The following CDC40 variants were observed in gnomAD, a reference collection of about 807,000 sequenced individuals.
CDC40 encodes pre-mRNA-processing factor 17.
In CDC40, 27 loss-of-function variants were observed where a neutral mutation model predicts 80.6. The observed-to-expected ratio is 0.33, with a 90% CI of 0.25 to 0.46. The LOEUF is 0.46. Among genes scored for constraint, CDC40 ranks in the 20% least tolerant of loss-of-function variants. CDC40 has a pLI of 1.00. For missense variants in CDC40, 486 were observed against 694.1 expected (o/e 0.70, Z 3.37); for synonymous variants, 221 against 232.6 (o/e 0.95, Z 0.45).
At position 110,221,187 on chromosome 6, in the gene CDC40, G is replaced by A. The variant is rs370153400; in HGVS notation, c.1340+1318G>A. On this transcript the variant is annotated intron_variant, in intron 12 of 14. Transcript: ENST00000307731. ...TAAAACGAATGATTGGATGGAAGCC[G>A]CCATGTTTTTACAGTCAGTTATGAA... Among the ~76,000 whole-genome samples, 114 of 152,216 alleles carry A rather than the reference G, an allele frequency of 7.5e-4. 1 individual carries two copies. Among genetic ancestry groups the A allele is most frequent in the African/African-American group, 1.5e-3 (64 of 41,524 alleles).
Position 110,200,444 on chromosome 6 carries a change from A to G in CDC40, c.277-1114A>G, listed in dbSNP as rs540787347. ...AATTCATCATGACGGTGGGTCTTACAGAGTTCAGATGAAAATATCCTATTA... is the reference window on the plus strand; with the variant it reads ...AATTCATCATGACGGTGGGTCTTACGGAGTTCAGATGAAAATATCCTATTA... On this transcript the variant is annotated intron_variant, in intron 2 of 14. Coordinates refer to ENST00000307731, the MANE Select transcript of CDC40 (RefSeq NM_015891.3). Among the ~76,000 whole-genome samples the G allele has an allele frequency of 2.7e-5, 4 of 150,750 alleles. 1 individual carries two copies. The South Asian group carries it at 8.4e-4, about 32-fold the overall frequency.
intron 12 of CDC40, among the ~76,000 whole-genome samples, chr6:110,223,490 C>T (rs1043482466): frequency 6.6e-6 from 1 of 152,098 alleles, no homozygotes; most frequent in Admixed American, 6.6e-5. Flanking sequence ...AACTCAGGAT[C>T]CCCGGAACTG....
chr6:110,199,301 T>C (rs1454195714), intron 2 of CDC40, among the ~76,000 whole-genome samples: 2 of 152,066 alleles, frequency 1.3e-5, no homozygotes, highest in Non-Finnish European at 2.9e-5. Flanking sequence ...CTTTAAAAAG[T>C]GGAGCTAGTG....
intron 2 of CDC40, among the ~76,000 whole-genome samples, 188 bp downstream of exon 2, chr6:110,193,456 G>A (rs1371945005): frequency 1.3e-5 from 2 of 151,974 alleles, no homozygotes; most frequent in African/African-American, 4.8e-5. Flanking sequence ...CCAGGCTGGA[G>A]TGCAGTGGCG....
At chr6:110,219,659 C>T in intron 11 of CDC40, 77 bp from the exon 12 acceptor site, 1 of 1,489,304 alleles carries the variant, frequency 6.7e-7, no homozygotes, top group Non-Finnish European at 9.2e-7. Context: ...TCTTCTCCTT[C>T]TCCACTTTCC....
rs1456038527 is a variant in CDC40, at chr6:110,210,769, A to C, written c.693A>C (p.Glu231Asp). ...AKRQKKGKQE[E>D]EKPGEEKTIL... ...GGCAGAAAAAAGGAAAACAGGAAGA[A>C]GAGAAACCTGGGGAGGAGAAGACAA... Residue 231 changes from glutamate (E) to aspartate (D), a missense_variant, in exon 6 of 15, where the codon GAA (glutamate) becomes GAC (aspartate). Physicochemically the swap from Glu to Asp is conservative, Grantham distance 45. Transcript: ENST00000307731. 1 of 1,574,380 alleles carries C rather than the reference A, an allele frequency of 6.4e-7. No homozygotes were observed. Among genetic ancestry groups the C allele is most frequent in the South Asian group, 1.2e-5 (1 of 84,548 alleles).
At chr6:110,195,478 T>A (rs1299773970) in intron 2 of CDC40, among the ~76,000 whole-genome samples, 1 of 152,146 alleles carries the variant, frequency 6.6e-6, no homozygotes, top group African/African-American at 2.4e-5. Context: ...GTCAAGAACA[T>A]GAGATTTGGA....
At chr6:110,219,189 T>C (rs1777736204) in intron 10 of CDC40, among the ~76,000 whole-genome samples, 175 bp from the exon 11 acceptor site, 1 of 152,170 alleles carries the variant, frequency 6.6e-6, no homozygotes, top group African/African-American at 2.4e-5. Flanking sequence ...TTTGAAAAAA[T>C]TATTTTTAAT....
chr6:110,227,804 A>T (rs1777885699), intron 13 of CDC40, among the ~76,000 whole-genome samples: 1 of 152,264 alleles, frequency 6.6e-6, no homozygotes, highest in East Asian at 1.9e-4. Flanking sequence ...TATGTAGGTT[A>T]TATGCAAATA....
intron 1 of CDC40, among the ~76,000 whole-genome samples, chr6:110,189,809 G>A (rs549190685): frequency 3.7e-4 from 57 of 152,254 alleles, no homozygotes; most frequent in Non-Finnish European, 3.2e-4. Flanking sequence ...CATCTGTTCT[G>A]TTTTTTACCA....
intron 1 of CDC40, among the ~76,000 whole-genome samples, chr6:110,190,790 G>A (rs1224929741): frequency 6.6e-6 from 1 of 152,072 alleles, no homozygotes; most frequent in East Asian, 1.9e-4. Context: ...TGGTGAGTCA[G>A]CCTTGCTGGC....
At chr6:110,215,079 CTGTGTGTG>C (rs549675821) in intron 8 of CDC40, among the ~76,000 whole-genome samples, 199 bp from the exon 9 acceptor site, 1 of 152,006 alleles carries the variant, frequency 6.6e-6, no homozygotes, top group African/African-American at 2.4e-5. Context: ...GTGTGTGACT[CTGTGTGTG>C]TGTGTTCCAA....
At chr6:110,193,324 A>G in intron 2 of CDC40, 56 bp downstream of exon 2, 1 of 984,030 alleles carries the variant, frequency 1.0e-6, no homozygotes, top group Non-Finnish European at 1.6e-6. Context: ...ATCATAGTAG[A>G]TAATTAGGTG....
chr6:110,230,183 T>C lies in CDC40; in HGVS notation c.*52T>C. ...ATCATTTTTGATCCATTGTCATATT[T>C]ATATTTAATTATTAAATGTATCTGA... On this transcript the variant is annotated 3_prime_UTR_variant, in exon 15 of 15. Coordinates refer to ENST00000307731, the MANE Select transcript of CDC40 (RefSeq NM_015891.3). The C allele has an allele frequency of 9.6e-7, 1 of 1,046,606 alleles. No homozygotes were observed. The highest frequency in any genetic ancestry group is 1.4e-6 in the Non-Finnish European group (1 of 697,284). The allele number at this position is 1,046,606 out of a possible 1,614,324, so 64.8% of individuals were successfully genotyped here.
chr6:110,197,936 T>C (rs972936674), intron 2 of CDC40, among the ~76,000 whole-genome samples: 1 of 152,172 alleles, frequency 6.6e-6, no homozygotes, highest in Admixed American at 6.6e-5. Flanking sequence ...TGGGGTCATA[T>C]GGTAGTTCTA....
At chr6:110,229,167 G>A (rs1777903503) in intron 14 of CDC40, among the ~76,000 whole-genome samples, 191 bp downstream of exon 14, 1 of 152,042 alleles carries the variant, frequency 6.6e-6, no homozygotes, top group South Asian at 2.1e-4. Flanking sequence ...GCTTTTTTTA[G>A]GTTCTTGCTT....
chr6:110,198,687 T>A (rs769032944), intron 2 of CDC40, among the ~76,000 whole-genome samples: 16 of 152,242 alleles, frequency 1.1e-4, no homozygotes, highest in Non-Finnish European at 2.9e-5. Context: ...TTTACTATAT[T>A]GTTCTTCATT....
At chr6:110,227,763 A>C (rs1777884681) in intron 13 of CDC40, among the ~76,000 whole-genome samples, 1 of 152,234 alleles carries the variant, frequency 6.6e-6, no homozygotes, top group Non-Finnish European at 1.5e-5. Flanking sequence ...CATTATAAGT[A>C]ATCGAGAGGT....
chr6:110,225,507 C>T (rs754117030), intron 12 of CDC40, among the ~76,000 whole-genome samples: 2 of 146,354 alleles, frequency 1.4e-5, no homozygotes, highest in Non-Finnish European at 3.0e-5. Flanking sequence ...AAATGCTTTA[C>T]ATGTAAACTG....
Sources: allele counts gnomAD v4.1 joint callset (sites outside exome capture counted in the v4.1 genomes callset), GRCh38; gene constraint gnomAD v4.1.1; transcripts MANE v1.5; gene names NCBI Gene and HGNC (gene_info 2026-07-23, HGNC 2026-07-21).